Variants in MN1 observed in about 807,000 individuals in gnomAD.
MN1 encodes the protein MN1 proto-oncogene, transcriptional regulator.
MN1 carries 19 observed loss-of-function variants against 86.9 expected under a neutral mutation model. The ratio of observed to expected loss-of-function variants is 0.22; its 90% CI spans 0.15 to 0.32. The LOEUF (loss-of-function observed/expected upper bound fraction) is 0.32. Ranked by LOEUF, MN1 falls within the 10% of genes least tolerant of loss-of-function variation. The probability of loss-of-function intolerance (pLI) is 1.00; values close to 1 mark genes in which losing one functional copy is unlikely to be tolerated. For synonymous variants in MN1, 928 were observed against 849.6 expected, an observed-to-expected ratio of 1.09 and a Z score of -1.60; for missense variants, 1,841 against 1,862.0, an observed-to-expected ratio of 0.99 and a Z score of 0.21.
intron 1 of MN1, among the ~76,000 whole-genome samples, chr22:27,768,880 G>GTA (rs1238514276): frequency 6.6e-6 from 1 of 152,166 alleles, no homozygotes; most frequent in African/African-American, 2.4e-5. Flanking sequence ...TTTGACAGCT[G>GTA]TGTGTGGCCA....
chr22:27,763,281 C>T (rs1049206839), intron 1 of MN1, among the ~76,000 whole-genome samples: 1 of 152,196 alleles, frequency 6.6e-6, no homozygotes, highest in African/African-American at 2.4e-5. Flanking sequence ...TCATCCCCCC[C>T]ATCCATGGGT....
chr22:27,751,082 C>T lies in MN1; in HGVS notation c.3796G>A (p.Ala1266Thr). The change falls in exon 2 of 2, where the codon GCA (alanine) becomes ACA (threonine). Residue 1266 changes from alanine (A) to threonine (T), a missense_variant. Transcript: ENST00000302326. Reference protein sequence around the residue: ...PNSKEAHDLPANKASASQPGS... With the variant: ...PNSKEAHDLPTNKASASQPGS... ...GGCTGGGATGCTGAGGCCTTGTTTG[C>T]AGGGAGGTCGTGGGCTGTGGAGAGA... is the stretch of plus-strand genomic sequence containing the variant. 2 of 1,583,186 alleles carry T rather than the reference C, an allele frequency of 1.3e-6. No homozygotes were observed. The highest frequency in any genetic ancestry group is 1.7e-6 in the Non-Finnish European group (2 of 1,160,780).
chr22:27,798,462 C>A lies in MN1; in HGVS notation c.2082G>T (p.Ala694=). 1.3e-6 allele frequency: 2 copies of A among 1,564,984 alleles called. No individual in the cohort carries two copies. The highest frequency in any genetic ancestry group is 2.4e-5 in the East Asian group (1 of 42,218). ...MRMPGEGHVP[A]LPSPGLQFGG... The stretch of plus-strand genomic sequence containing the variant: ...CGAACTGCAGGCCCGGTGAAGGCAG[C>A]GCGGGCACGTGGCCCTCTCCGGGCA... Residue 694 remains alanine, a synonymous_variant, in exon 1 of 2, where the codon GCG becomes GCT. Transcript: ENST00000302326.
At chr22:27,770,565 A>G (rs1163673529) in intron 1 of MN1, among the ~76,000 whole-genome samples, 1 of 152,236 alleles carries the variant, frequency 6.6e-6, no homozygotes, top group Non-Finnish European at 1.5e-5. Context: ...TGACTTGATC[A>G]AAGAACACAC....
chr22:27,767,480 C>T (rs1216248480), intron 1 of MN1, among the ~76,000 whole-genome samples: 1 of 152,130 alleles, frequency 6.6e-6, no homozygotes, highest in Non-Finnish European at 1.5e-5. Context: ...TTAGACCCTA[C>T]TGGTGTGTGC....
At chr22:27,769,015 T>C (rs5752633) in intron 1 of MN1, among the ~76,000 whole-genome samples, 6,407 of 152,240 alleles carry the variant, frequency 0.042, 170 homozygotes, top group East Asian at 0.073. Context: ...GTGGCTGCCA[T>C]GACAACTAGT....
chr22:27,794,819 T>G (rs550934328), intron 1 of MN1, among the ~76,000 whole-genome samples: 1 of 99,622 alleles, frequency 1.0e-5, no homozygotes, highest in Non-Finnish European at 2.6e-5. Flanking sequence ...GGGTTGTTGT[T>G]TTTTTTTTTT....
intron 1 of MN1, among the ~76,000 whole-genome samples, chr22:27,778,249 C>T (rs1933005387): frequency 6.6e-6 from 1 of 152,188 alleles, no homozygotes; most frequent in Non-Finnish European, 1.5e-5. Flanking sequence ...AGAAAATGCA[C>T]AATTTTTGTC....
chr22:27,796,669 A>T, intron 1 of MN1, 94 bp downstream of exon 1: 1 of 1,336,468 alleles, frequency 7.5e-7, no homozygotes, highest in South Asian at 1.4e-5. Flanking sequence ...GTGCCCTCCA[A>T]ACCTCAAAGG....
At chr22:27,761,398 T>TTCTC (rs150600239) in intron 1 of MN1, among the ~76,000 whole-genome samples, 2 of 147,354 alleles carry the variant, frequency 1.4e-5, no homozygotes, top group Non-Finnish European at 3.0e-5. Flanking sequence ...CTCTCTCTCT[T>TTCTC]TCTCTCTCTC....
intron 1 of MN1, among the ~76,000 whole-genome samples, chr22:27,788,855 T>A (rs1933174761): frequency 6.6e-6 from 1 of 152,078 alleles, no homozygotes; most frequent in Non-Finnish European, 1.5e-5. Context: ...TTTCTCCTAG[T>A]CATACCACGC....
rs1291804899 is a variant in MN1 at position 27,749,715 on chromosome 22, T to C, written c.*1200A>G. On this transcript the variant is annotated 3_prime_UTR_variant, in exon 2 of 2. Transcript: ENST00000302326. The stretch of plus-strand genomic sequence containing the variant: ...ATCAAAGTCATTTCATTCTATTCTC[T>C]TTCTCTGTCCTCTAGCCCTCAGGAG... The C allele has an allele frequency of 1.3e-5, 3 of 231,250 alleles. No individual in the cohort carries two copies. The highest frequency in any genetic ancestry group is 2.6e-5 in the Non-Finnish European group (3 of 116,878). 14.3% of individuals were successfully genotyped at this position (231,250 alleles called of 1,614,324 possible).
rs746919150 is a variant in MN1, at chr22:27,799,226, G to C, written c.1318C>G (p.Gln440Glu). The change falls in exon 1 of 2, where the codon CAG becomes GAG. Residue 440 changes from glutamine (Q) to glutamate (E), a missense_variant. Transcript: ENST00000302326. Reference protein sequence around the residue: ...QHPPPQQAPNQRLQHFDAPPY... With the variant: ...QHPPPQQAPNERLQHFDAPPY... ...GGCGCGTCGAAATGCTGCAGCCGCT[G>C]GTTGGGCGCCTGCTGCGGAGGAGGA... 1 of 1,597,560 alleles carries C rather than the reference G, an allele frequency of 6.3e-7. No homozygotes were observed.
At chr22:27,751,187 A>G (rs1189101713) in intron 1 of MN1, 91 bp from the exon 2 acceptor site, 2 of 1,122,994 alleles carry the variant, frequency 1.8e-6, no homozygotes. Context: ...GGCATACAAG[A>G]CAGGCACCGT....
intron 1 of MN1, among the ~76,000 whole-genome samples, chr22:27,773,924 G>C (rs1471843909): frequency 1.3e-5 from 2 of 152,162 alleles, no homozygotes; most frequent in Non-Finnish European, 2.9e-5. Flanking sequence ...AAAGTGTTGG[G>C]ATTACAGGCG....
chr22:27,777,071 TG>T (rs1227210001), intron 1 of MN1, among the ~76,000 whole-genome samples: 2 of 152,180 alleles, frequency 1.3e-5, no homozygotes, highest in Non-Finnish European at 2.9e-5. Flanking sequence ...AATAGGATTT[TG>T]CTCCCTACAA....
chr22:27,795,789 T>C (rs544652594), intron 1 of MN1, among the ~76,000 whole-genome samples: 2 of 152,082 alleles, frequency 1.3e-5, no homozygotes, highest in African/African-American at 4.8e-5. Context: ...AAAATAAATA[T>C]CTACGGCAAC....
chr22:27,799,012 G>A lies in MN1; in HGVS notation c.1532C>T (p.Pro511Leu). 1 of 1,610,994 alleles carries A rather than the reference G, an allele frequency of 6.2e-7. No homozygotes were observed. Among genetic ancestry groups the A allele is most frequent in the Non-Finnish European group, 8.5e-7 (1 of 1,179,146 alleles). ...PVPDSFPSGP[P>L]LQHPAPDHQS... ...GTGGTCCGGGGCCGGATGCTGCAGGGGCGGCCCCGAAGGGAAGCTGTCGGG... is the reference window on the plus strand; with the variant it reads ...GTGGTCCGGGGCCGGATGCTGCAGGAGCGGCCCCGAAGGGAAGCTGTCGGG... The change falls in exon 1 of 2, where the codon CCC becomes CTC. Residue 511 changes from proline (P) to leucine (L), a missense_variant. Pro to Leu is a moderately conservative substitution (Grantham distance 98, BLOSUM62 -3). Coordinates refer to ENST00000302326, the MANE Select transcript of MN1 (RefSeq NM_002430.3).
chr22:27,770,785 G>A (rs909969764), intron 1 of MN1, among the ~76,000 whole-genome samples: 2 of 151,366 alleles, frequency 1.3e-5, no homozygotes, highest in African/African-American at 4.9e-5. Flanking sequence ...AACCTTCCCA[G>A]TAGCTGAGAC....
Sources: gnomAD v4.1 joint callset for allele counts (sites outside exome capture counted in the v4.1 genomes callset) on GRCh38, gnomAD v4.1.1 for gene constraint, MANE v1.5 for transcripts, NCBI Gene and HGNC (gene_info 2026-07-23, HGNC 2026-07-21) for gene names.